Variants in TMEM132C observed in about 807,000 individuals in gnomAD.
TMEM132C encodes the protein transmembrane protein 132C, also known as protein phosphatase 1, regulatory subunit 152.
In TMEM132C, 29 loss-of-function variants were observed where a neutral mutation model predicts 61.4. The observed-to-expected ratio is 0.47, with a 90% CI of 0.35 to 0.64. TMEM132C has a LOEUF of 0.64. TMEM132C is among the 30% of genes least tolerant of loss of function. The pLI is 0.00. For synonymous variants in TMEM132C, 656 were observed against 633.1 expected (o/e 1.04, Z -0.54); for missense variants, 1,408 against 1,476.9 (o/e 0.95, Z 0.76).
intron 1 of TMEM132C, among the ~76,000 whole-genome samples, chr12:128,341,356 T>G (rs966742763): frequency 3.3e-5 from 5 of 152,216 alleles, no homozygotes; most frequent in Non-Finnish European, 7.4e-5. Flanking sequence ...AGTATTTTAA[T>G]TTGGAGTAGT....
rs555787706 is a variant in TMEM132C, at chr12:128,705,240, G to A, written c.2272G>A (p.Val758Met). The change falls in exon 9 of 9, where the codon GTG (valine) becomes ATG (methionine). Residue 758 changes from valine (V) to methionine (M), a missense_variant. Val to Met is a conservative substitution (Grantham distance 21). Transcript: ENST00000435159. ...GCCCCGCTCTCCCAGGTGGCCCGTT[G>A]TGGTGGCCGAAGGGGAAGGCCAGGG... Reference protein sequence around the residue: ...PQPRSPRWPVVVAEGEGQGPL... With the variant: ...PQPRSPRWPVMVAEGEGQGPL... The A allele has an allele frequency of 1.2e-5, 19 of 1,551,672 alleles. No homozygotes were observed. The highest frequency in any genetic ancestry group is 1.7e-4 in the Middle Eastern group (1 of 5,992).
intron 3 of TMEM132C, among the ~76,000 whole-genome samples, chr12:128,583,419 A>G (rs1185099968): frequency 4.6e-5 from 7 of 152,090 alleles, no homozygotes; most frequent in Non-Finnish European, 8.8e-5. Flanking sequence ...TTTACAAAAA[A>G]GAATTTTGAG....
chr12:128,627,123 G>A (rs1486431642), intron 4 of TMEM132C, among the ~76,000 whole-genome samples: 1 of 152,146 alleles, frequency 6.6e-6, no homozygotes, highest in African/African-American at 2.4e-5. Flanking sequence ...CCTCATCCCT[G>A]GAGGCCCTCC....
intron 1 of TMEM132C, among the ~76,000 whole-genome samples, chr12:128,308,938 G>T (rs1481923206): frequency 6.6e-6 from 1 of 152,080 alleles, no homozygotes; most frequent in Non-Finnish European, 1.5e-5. Flanking sequence ...GATGGAAAGC[G>T]TTTTCTTCCA....
intron 2 of TMEM132C, among the ~76,000 whole-genome samples, chr12:128,495,933 G>A (rs988736758): frequency 6.6e-5 from 10 of 152,156 alleles, no homozygotes; most frequent in Non-Finnish European, 8.8e-5. Flanking sequence ...AGCCTCGATG[G>A]TCTTTACAAC....
At chr12:128,390,402 T>C (rs982836752) in intron 1 of TMEM132C, among the ~76,000 whole-genome samples, 1 of 152,172 alleles carries the variant, frequency 6.6e-6, no homozygotes, top group Non-Finnish European at 1.5e-5. Context: ...TCCTGGCCCC[T>C]TCCCTATTCT....
chr12:128,675,690 G>A (rs1192115249), intron 5 of TMEM132C, among the ~76,000 whole-genome samples: 1 of 152,074 alleles, frequency 6.6e-6, no homozygotes, highest in African/African-American at 2.4e-5. Flanking sequence ...ATAGATGGAT[G>A]GATAGGTGGA....
chr12:128,350,610 G>C (rs1001191127), intron 1 of TMEM132C, among the ~76,000 whole-genome samples: 1 of 152,084 alleles, frequency 6.6e-6, no homozygotes, highest in Non-Finnish European at 1.5e-5. Context: ...GTGTGGGAAA[G>C]GGGTGGGGGA....
intron 2 of TMEM132C, among the ~76,000 whole-genome samples, chr12:128,488,371 A>T (rs1160072043): frequency 6.6e-6 from 1 of 152,188 alleles, no homozygotes; most frequent in Non-Finnish European, 1.5e-5. Context: ...TAAAATATTG[A>T]TATTATTGGC....
At chr12:128,294,007 T>TACAA (rs889182871) in intron 1 of TMEM132C, 6 of 154,688 alleles carry the variant, frequency 3.9e-5, no homozygotes, top group Non-Finnish European at 7.3e-5. Context: ...CAGGTGGTTG[T>TACAA]GTCTGCTGGG....
Position 128,693,929 on chromosome 12 carries a change from T to G in TMEM132C, c.1550T>G (p.Leu517Arg). The change falls in exon 6 of 9, where the codon CTG becomes CGG. Residue 517 changes from leucine (L) to arginine (R), a missense_variant. Transcript: ENST00000435159. ...NFTYQYLSAP[L>R]CVTVWVPRLP... ...ACATACCAGTACCTGAGCGCCCCCCTGTGTGTCACCGTGTGGGTGCCCCGG... is the reference window on the plus strand; with the variant it reads ...ACATACCAGTACCTGAGCGCCCCCCGGTGTGTCACCGTGTGGGTGCCCCGG... 6.4e-7 allele frequency: 1 copy of G among 1,551,746 alleles called. No individual in the cohort carries two copies. Among genetic ancestry groups the G allele is most frequent in the Non-Finnish European group, 8.7e-7 (1 of 1,147,008 alleles).
At chr12:128,389,530 C>T (rs1298819417) in intron 1 of TMEM132C, among the ~76,000 whole-genome samples, 1 of 152,166 alleles carries the variant, frequency 6.6e-6, no homozygotes, top group Non-Finnish European at 1.5e-5. Flanking sequence ...ACCATGCTAG[C>T]AGGAACTCTG....
intron 2 of TMEM132C, among the ~76,000 whole-genome samples, chr12:128,528,869 G>C (rs529609800): frequency 6.6e-6 from 1 of 152,236 alleles, no homozygotes; most frequent in South Asian, 2.1e-4. Flanking sequence ...TACCCCTGAA[G>C]AGCTGTGTAT....
intron 4 of TMEM132C, among the ~76,000 whole-genome samples, chr12:128,660,349 T>A (rs1566006143): frequency 6.6e-6 from 1 of 152,122 alleles, no homozygotes; most frequent in African/African-American, 2.4e-5. Context: ...GCCAGTTCTA[T>A]AGGAGAAGTT....
intron 1 of TMEM132C, among the ~76,000 whole-genome samples, chr12:128,333,150 G>C (rs933060932): frequency 2.6e-5 from 4 of 151,792 alleles, no homozygotes; most frequent in Admixed American, 2.6e-4. Context: ...GTGTGTGCAT[G>C]TATGTGTGTT....
intron 4 of TMEM132C, among the ~76,000 whole-genome samples, chr12:128,659,922 C>T (rs559583342): frequency 6.6e-6 from 1 of 152,172 alleles, no homozygotes; most frequent in Non-Finnish European, 1.5e-5. Flanking sequence ...AGAGTAAGAA[C>T]CAGGGGCTGG....
intron 1 of TMEM132C, among the ~76,000 whole-genome samples, chr12:128,373,732 A>G (rs77363594): frequency 2.2e-3 from 339 of 152,344 alleles, no homozygotes; most frequent in African/African-American, 7.7e-3. Flanking sequence ...GGAAGGAGGT[A>G]GGAAGCACTC....
intron 2 of TMEM132C, among the ~76,000 whole-genome samples, chr12:128,508,507 T>C (rs1187115331): frequency 6.6e-6 from 1 of 152,210 alleles, no homozygotes; most frequent in African/African-American, 2.4e-5. Context: ...TGGGTCCTGC[T>C]GCCTGGGCTC....
Position 128,693,829 on chromosome 12 carries a change from G to A in TMEM132C, c.1450G>A (p.Val484Met). 1.3e-6 allele frequency: 2 copies of A among 1,551,732 alleles called. No homozygotes were observed. The highest frequency in any genetic ancestry group is 1.2e-5 in the South Asian group (1 of 84,052). ...CKSTDEDVIKVSERCDYIFVN... is the reference protein window; with the variant it reads ...CKSTDEDVIKMSERCDYIFVN... ...ATCCTTTCTCCCTCTGTCTTTGCAG[G>A]TGTCTGAGCGCTGTGACTACATCTT... Residue 484 changes from valine to methionine, a missense_variant and splice_region_variant, in exon 6 of 9, where the codon GTG (valine) becomes ATG (methionine). Transcript: ENST00000435159.
Sources: allele counts gnomAD v4.1 joint callset (sites outside exome capture counted in the v4.1 genomes callset), GRCh38; gene constraint gnomAD v4.1.1; transcripts MANE v1.5; gene names NCBI Gene and HGNC (gene_info 2026-07-23, HGNC 2026-07-21).